Variants in ATP6V0A4 observed in about 807,000 individuals in gnomAD.
ATP6V0A4 encodes the protein ATPase H+ transporting V0 subunit a4, also known as V-type proton ATPase 116 kDa subunit a 4.
In ATP6V0A4, 86 loss-of-function variants were observed where a neutral mutation model predicts 107.3. That is an observed-to-expected ratio of 0.80 (90% CI 0.67 to 0.96). ATP6V0A4 has a LOEUF of 0.96. Among genes scored for constraint, ATP6V0A4 ranks in the 40% least tolerant of loss-of-function variants. The pLI is 0.00. For missense variants in ATP6V0A4, 908 were observed against 1,045.6 expected (o/e 0.87, Z 1.81); for synonymous variants, 353 against 381.4 (o/e 0.93, Z 0.87).
chr7:138,709,564 C>T (rs958222698), intron 21 of ATP6V0A4, 60 bp downstream of exon 21: 4 of 1,544,342 alleles, frequency 2.6e-6, no homozygotes, highest in Non-Finnish European at 1.8e-6. Context: ...GTCGGCTGGC[C>T]CCACAGCCCA....
At chr7:138,764,768 A>G (rs1807003922) in intron 5 of ATP6V0A4, 1 of 152,190 alleles carries the variant, frequency 6.6e-6, no homozygotes. Context: ...TAATCCATCT[A>G]AAAGACACTG....
At chr7:138,777,635 C>A (rs1235333661) in intron 2 of ATP6V0A4, among the ~76,000 whole-genome samples, 76 of 128,660 alleles carry the variant, frequency 5.9e-4, no homozygotes, top group Middle Eastern at 3.8e-3. Context: ...AAAAAAAATA[C>A]ACACACACAC....
intron 14 of ATP6V0A4, among the ~76,000 whole-genome samples, chr7:138,743,007 C>A (rs938027547): frequency 6.6e-6 from 1 of 151,508 alleles, no homozygotes; most frequent in South Asian, 2.1e-4. Context: ...GGTGGGGAAT[C>A]CCATCTCTAC....
At chr7:138,765,954 GT>G (rs1192362076) in intron 5 of ATP6V0A4, among the ~76,000 whole-genome samples, 3 of 152,082 alleles carry the variant, frequency 2.0e-5, no homozygotes, top group Admixed American at 2.0e-4. Context: ...GTCTCATTAT[GT>G]TGGGCAGACT....
chr7:138,721,967 C>T lies in ATP6V0A4; in HGVS notation c.2069G>A (p.Ser690Asn), dbSNP rs766838948. 2.4e-5 allele frequency: 38 copies of T among 1,614,182 alleles called. No homozygotes were observed. The South Asian group carries it at 3.7e-4, about 16-fold the overall frequency. ...ATENIEGDSS[S>N]PSSRSGQRTS... ...CCTCTGGCCAGAACGGCTAGAAGGG[C>T]TGGAGCTATCACCTTCAATGTTCTC... Residue 690 changes from serine to asparagine, a missense_variant, in exon 19 of 22, where the codon AGC becomes AAC. Physicochemically the swap from Ser to Asn is conservative, Grantham distance 46. Coordinates refer to ENST00000310018, the MANE Select transcript of ATP6V0A4 (RefSeq NM_020632.3).
intron 18 of ATP6V0A4, among the ~76,000 whole-genome samples, chr7:138,726,356 G>A (rs919305249): frequency 6.6e-6 from 1 of 152,204 alleles, no homozygotes; most frequent in African/African-American, 2.4e-5. Context: ...GGGGGGACCT[G>A]GGTTCATAGC....
rs774710415 is a variant in ATP6V0A4 at position 138,769,237 on chromosome 7, C to A, written c.132G>T (p.Val44=). The A allele has an allele frequency of 1.2e-6, 2 of 1,611,840 alleles. No homozygotes were observed. The highest frequency in any genetic ancestry group is 3.3e-5 in the Admixed American group (2 of 59,954). ...LVQFKDLNMN[V]NSFQRKFVNE... ...TCACAAATTTCCTTTGAAAGCTGTT[C>A]ACATTCATATTTAACTATGGGGGCG... The change falls in exon 4 of 22, where the codon GTG becomes GTT. Residue 44 remains valine (V), a synonymous_variant. Transcript: ENST00000310018.
chr7:138,747,949 T>A (rs1806038239), intron 12 of ATP6V0A4, among the ~76,000 whole-genome samples: 1 of 151,706 alleles, frequency 6.6e-6, no homozygotes, highest in South Asian at 2.1e-4. Flanking sequence ...AGAGATGAGG[T>A]CTCGCTATAT....
Position 138,715,881 on chromosome 7 carries a change from A to G in ATP6V0A4, c.2140T>C (p.Phe714Leu). ...TGGACAAAGACGTCTCCAAAGTTGAACTGAAAGACGGAATTGTTTATTTTA... is the reference window on the plus strand; with the variant it reads ...TGGACAAAGACGTCTCCAAAGTTGAGCTGAAAGACGGAATTGTTTATTTTA... ...HGALDDHGEE[F>L]NFGDVFVHQA... is the part of the protein sequence containing the mutation. The change falls in exon 20 of 22, where the codon TTC becomes CTC. Residue 714 changes from phenylalanine to leucine, a missense_variant and splice_region_variant. Physicochemically the swap from Phe to Leu is conservative, Grantham distance 22. Coordinates refer to ENST00000310018, the MANE Select transcript of ATP6V0A4 (RefSeq NM_020632.3). 6.2e-7 allele frequency: 1 copy of G among 1,612,828 alleles called. No individual in the cohort carries two copies. The highest frequency in any genetic ancestry group is 8.5e-7 in the Non-Finnish European group (1 of 1,179,102).
chr7:138,730,119 C>T (rs980747093), intron 17 of ATP6V0A4, among the ~76,000 whole-genome samples: 2 of 152,114 alleles, frequency 1.3e-5, no homozygotes, highest in African/African-American at 2.4e-5. Flanking sequence ...CTCCTGACCT[C>T]GTGATCCGCC....
intron 17 of ATP6V0A4, among the ~76,000 whole-genome samples, chr7:138,731,375 T>G (rs1270014835): frequency 6.6e-6 from 1 of 152,192 alleles, no homozygotes; most frequent in Non-Finnish European, 1.5e-5. Context: ...ACCTCTGCAC[T>G]GAAGGGCAGC....
rs190028453 is a variant in ATP6V0A4, at chr7:138,713,487, G to C, written c.2257+2277C>G. On this transcript the variant is annotated intron_variant, in intron 20 of 21. Transcript: ENST00000310018. ...ATCCCTTCAGCACACACCTTGGCCT[G>C]GCTTCTCTGTTCTAGGCATTATGCT... Among the ~76,000 whole-genome samples the C allele has an allele frequency of 9.9e-5, 15 of 152,168 alleles. No individual in the cohort carries two copies. In the East Asian group the frequency reaches 2.1e-3, roughly 22 times the overall value.
At chr7:138,759,671 C>T (rs1806693576) in intron 8 of ATP6V0A4, 81 bp downstream of exon 8, 3 of 1,452,632 alleles carry the variant, frequency 2.1e-6, no homozygotes, top group Middle Eastern at 1.8e-4. Flanking sequence ...TAAAGATCCC[C>T]CATGTTTTGG....
rs72044473 is a variant in ATP6V0A4 at position 138,756,560 on chromosome 7, T to TA, written c.640-21dup. ...TTCTTTCTGGAAAATCAGAATAAGT[T>TA]AAAAAAAAAGGGGGGGGTTTCTTTC... On this transcript the variant is annotated intron_variant, in intron 8 of 21. Coordinates refer to ENST00000310018, the MANE Select transcript of ATP6V0A4 (RefSeq NM_020632.3). 0.022 allele frequency: 32,461 copies of TA among 1,481,430 alleles called. 3,365 individuals carry two copies. In the African/African-American group the frequency reaches 0.33, roughly 15 times the overall value. The allele number at this position is 1,481,430 out of a possible 1,614,324, so 91.8% of individuals were successfully genotyped here.
At chr7:138,770,272 AAAGG>A (rs1022195577) in intron 3 of ATP6V0A4, among the ~76,000 whole-genome samples, 19 of 145,698 alleles carry the variant, frequency 1.3e-4, no homozygotes, top group African/African-American at 4.8e-4. Flanking sequence ...AGGAAGGAAG[AAAGG>A]AAGGAAGGAA....
rs775386054 is a variant in ATP6V0A4 at position 138,721,884 on chromosome 7, T to C, written c.2139+13A>G. On this transcript the variant is annotated intron_variant, in intron 19 of 21. Transcript: ENST00000310018. Reference sequence around the variant, plus strand: ...ACTGGGGAGTCTTCCTCAGGGGCTCTCGTCCCAGATACCTCTTCTCCATGG... The same window carrying C: ...ACTGGGGAGTCTTCCTCAGGGGCTCCCGTCCCAGATACCTCTTCTCCATGG... The C allele has an allele frequency of 1.9e-6, 3 of 1,613,966 alleles. No individual in the cohort carries two copies. Among genetic ancestry groups the C allele is most frequent in the Non-Finnish European group, 1.7e-6 (2 of 1,179,904 alleles).
rs748638764 is a variant in ATP6V0A4, at chr7:138,732,945, T to G, written c.1840A>C (p.Ile614Leu). Residue 614 changes from isoleucine (I) to leucine (L), a missense_variant, in exon 17 of 22, where the codon ATC becomes CTC. Transcript: ENST00000310018. ...AACAGAAACATGTTGATGAAGTGGA[T>G]GAGGATGCTGGGGGCGTGCTGAGAT... ...HVSQHAPSIL[I>L]HFINMFLFNY... The G allele has an allele frequency of 1.9e-6, 3 of 1,613,158 alleles. No homozygotes were observed. Among genetic ancestry groups the G allele is most frequent in the Non-Finnish European group, 8.5e-7 (1 of 1,179,632 alleles).
intron 13 of ATP6V0A4, among the ~76,000 whole-genome samples, chr7:138,745,962 A>AATATAT (rs1554396064): frequency 0.034 from 2,213 of 65,252 alleles, 82 homozygotes; most frequent in African/African-American, 0.071. Context: ...AAAAAAAAAA[A>AATATAT]ATATATATAT....
chr7:138,783,892 G>A (rs1808028414), intron 2 of ATP6V0A4, among the ~76,000 whole-genome samples: 1 of 152,180 alleles, frequency 6.6e-6, no homozygotes, highest in Admixed American at 6.5e-5. Context: ...TTCTTGGAAA[G>A]TTGAAACAGG....
Sources: allele counts gnomAD v4.1 joint callset (sites outside exome capture counted in the v4.1 genomes callset), GRCh38; gene constraint gnomAD v4.1.1; transcripts MANE v1.5; gene names NCBI Gene and HGNC (gene_info 2026-07-23, HGNC 2026-07-21).